The following FGFR1 variants were observed in gnomAD, a reference collection of about 807,000 sequenced individuals.
FGFR1 encodes FGFR1/PLAG1 fusion.
A neutral mutation model predicts 93.7 loss-of-function variants in FGFR1; 18 were observed. That is an observed-to-expected ratio of 0.19 (90% CI 0.13 to 0.28). FGFR1 has a LOEUF of 0.28. FGFR1 is among the 10% of genes least tolerant of loss of function. The pLI is 1.00. For synonymous variants in FGFR1, 448 were observed against 429.3 expected (o/e 1.04, Z -0.54); for missense variants, 731 against 1,080.4 (o/e 0.68, Z 4.53).
At chr8:38,428,457 C>A (rs1250196470) in intron 3 of FGFR1, 22 bp from the exon 4 acceptor site, 1 of 1,592,474 alleles carries the variant, frequency 6.3e-7, no homozygotes, top group East Asian at 2.2e-5. Context: ...AGAAGGGGCA[C>A]TGAGGTTCCT....
chr8:38,460,946 C>G, intron 1 of FGFR1: 1 of 943,874 alleles, frequency 1.1e-6, no homozygotes, highest in Non-Finnish European at 1.6e-6. Flanking sequence ...GCAGCTTCCT[C>G]CAAGACCCTG....
Position 38,429,545 on chromosome 8 carries a change from G to T in FGFR1, c.358+137C>A. 1 of 1,014,030 alleles carries T rather than the reference G, an allele frequency of 9.9e-7. No homozygotes were observed. The allele number at this position is 1,014,030 out of a possible 1,614,324, so 62.8% of individuals were successfully genotyped here. On this transcript the variant is annotated intron_variant, in intron 3 of 17. Transcript: ENST00000447712. This position sits in a 1 kb window ranked among gnomAD's most constrained non-coding sequence, Gnocchi z 4.4. ...AGCCACGCGGCAGGCAGGGAGCAAT[G>T]TTAGTGGGCAGCAGTTTCTGAAGCA...
At chr8:38,453,579 T>TA (rs1211744658) in intron 2 of FGFR1, among the ~76,000 whole-genome samples, 2 of 152,152 alleles carry the variant, frequency 1.3e-5, no homozygotes, top group African/African-American at 4.8e-5. Context: ...AGCAGTCTTA[T>TA]TACAATAGCC....
intron 2 of FGFR1, among the ~76,000 whole-genome samples, chr8:38,443,326 T>C (rs1038540785): frequency 2.6e-5 from 4 of 152,164 alleles, no homozygotes; most frequent in African/African-American, 9.6e-5. Context: ...CATCATACCG[T>C]ACCCGACGAT....
intron 1 of FGFR1, among the ~76,000 whole-genome samples, chr8:38,458,640 T>C (rs1420589031): frequency 6.6e-6 from 1 of 152,096 alleles, no homozygotes; most frequent in East Asian, 1.9e-4. Context: ...CGGAACAAGC[T>C]AAGGACCAGT....
chr8:38,422,898 A>C (rs1169684327), intron 7 of FGFR1: 2 of 614,802 alleles, frequency 3.3e-6, no homozygotes, highest in Non-Finnish European at 5.8e-6. Context: ...GTATTTTTCC[A>C]TGGCTCTGGG....
chr8:38,422,760 A>G (rs1162389652), intron 7 of FGFR1: 1 of 438,144 alleles, frequency 2.3e-6, no homozygotes, highest in Non-Finnish European at 4.1e-6. Context: ...TACCATTTGT[A>G]ACACAGCAAA....
chr8:38,413,262 C>A lies in FGFR1; in HGVS notation c.*366G>T. 1 of 364,644 alleles carries A rather than the reference C, an allele frequency of 2.7e-6. No homozygotes were observed. The highest frequency in any genetic ancestry group is 5.0e-6 in the Non-Finnish European group (1 of 198,908). The allele number at this position is 364,644 out of a possible 1,614,324, so 22.6% of individuals were successfully genotyped here. A position where few individuals can be genotyped will look rare whatever the true frequency, so the allele number is the denominator to read the frequency against. ...GAGGGGCTTATGGGTGAAGGCAAAA[C>A]AGACCAAACCGACAGGAGAAAGCTC... On this transcript the variant is annotated 3_prime_UTR_variant, in exon 18 of 18. Coordinates refer to ENST00000447712, the MANE Select transcript of FGFR1 (RefSeq NM_023110.3). The surrounding 1 kb of genome is among the most constrained non-coding windows in gnomAD (Gnocchi z 4.2).
At chr8:38,450,542 T>C (rs965744070) in intron 2 of FGFR1, among the ~76,000 whole-genome samples, 4 of 152,054 alleles carry the variant, frequency 2.6e-5, no homozygotes, top group African/African-American at 9.7e-5. Context: ...AAGCCATCAC[T>C]CACTGCTTCT....
chr8:38,431,534 A>C (rs1823146362), intron 2 of FGFR1, among the ~76,000 whole-genome samples: 1 of 151,908 alleles, frequency 6.6e-6, no homozygotes, highest in Admixed American at 6.6e-5. Flanking sequence ...ACTCCCCCTT[A>C]TTTGAAACAC....
At chr8:38,461,045 G>C in intron 1 of FGFR1, 2 of 1,534,858 alleles carry the variant, frequency 1.3e-6, no homozygotes, top group East Asian at 2.4e-5. Flanking sequence ...GGGGAGCAGA[G>C]AGGGGGCACA....
intron 1 of FGFR1, among the ~76,000 whole-genome samples, chr8:38,460,758 C>CA (rs1160623006): frequency 2.0e-5 from 3 of 152,186 alleles, no homozygotes; most frequent in Non-Finnish European, 4.4e-5. Context: ...CACCCGCCTG[C>CA]AAAAAACACA....
At chr8:38,431,790 G>A (rs542007876) in intron 2 of FGFR1, among the ~76,000 whole-genome samples, 144 of 152,286 alleles carry the variant, frequency 9.5e-4, no homozygotes, top group African/African-American at 3.2e-3. Flanking sequence ...TTGTGAGTCC[G>A]GTCAAGGGGA....
At chr8:38,443,447 TC>T (rs2151150760) in intron 2 of FGFR1, among the ~76,000 whole-genome samples, 1 of 148,410 alleles carries the variant, frequency 6.7e-6, no homozygotes, top group African/African-American at 2.5e-5. Flanking sequence ...ATTGTTTGAG[TC>T]CAGGGGTTAG....
intron 1 of FGFR1, among the ~76,000 whole-genome samples, chr8:38,462,063 G>A (rs1834518418): frequency 6.6e-6 from 1 of 151,978 alleles, no homozygotes; most frequent in Non-Finnish European, 1.5e-5. Context: ...TATGCTATAA[G>A]TAAAAAGTAT....
chr8:38,425,630 T>C (rs943169638), intron 6 of FGFR1, among the ~76,000 whole-genome samples: 1 of 152,068 alleles, frequency 6.6e-6, no homozygotes, highest in Non-Finnish European at 1.5e-5. Flanking sequence ...CTTCCCAGAG[T>C]CTCCTGTGAT....
intron 2 of FGFR1, among the ~76,000 whole-genome samples, chr8:38,437,147 G>C (rs544046538): frequency 6.6e-6 from 1 of 152,178 alleles, no homozygotes; most frequent in South Asian, 2.1e-4. Context: ...CCCAATTCTT[G>C]ATTCTAAATC....
chr8:38,427,894 C>CT (rs778142753), intron 5 of FGFR1, 27 bp downstream of exon 5: 19 of 1,614,030 alleles, frequency 1.2e-5, no homozygotes, highest in Admixed American at 1.7e-5. Flanking sequence ...TCCCATTACT[C>CT]TAACTTTCGC....
intron 8 of FGFR1, chr8:38,421,575 G>A: frequency 1.6e-6 from 1 of 616,546 alleles, no homozygotes; most frequent in East Asian, 2.8e-5. Flanking sequence ...GCAGAGGCAG[G>A]TGTACGGGTG....
Sources: gnomAD v4.1 joint callset for allele counts (sites outside exome capture counted in the v4.1 genomes callset) on GRCh38, gnomAD v4.1.1 for gene constraint, Gnocchi (gnomAD v3.1) non-coding constraint, MANE v1.5 for transcripts, NCBI Gene and HGNC (gene_info 2026-07-23, HGNC 2026-07-21) for gene names.